Variants in ITPR2 observed in about 807,000 individuals in gnomAD.
The protein encoded by ITPR2 is inositol 1,4,5-trisphosphate receptor type 2, also known as inositol 1,4,5-trisphosphate-gated calcium channel ITPR2.
ITPR2 carries 207 observed loss-of-function variants against 317.1 expected under a neutral mutation model. That is an observed-to-expected ratio of 0.65 (90% CI 0.58 to 0.73). ITPR2 has a LOEUF of 0.73. ITPR2 is among the 30% of genes least tolerant of loss of function. The pLI, the probability that ITPR2 is intolerant of heterozygous loss-of-function variation, is 0.00. For synonymous variants in ITPR2, 1,156 were observed against 1,149.1 expected, an observed-to-expected ratio of 1.01 and a Z score of -0.12; for missense variants, 2,613 against 3,284.0, an observed-to-expected ratio of 0.80 and a Z score of 4.99.
intron 2 of ITPR2, among the ~76,000 whole-genome samples, chr12:26,781,543 A>G (rs138731634): frequency 1.5e-4 from 23 of 152,294 alleles, no homozygotes; most frequent in African/African-American, 5.3e-4. Flanking sequence ...CATGTTAGGC[A>G]TAATTATGAC....
At chr12:26,704,309 TTC>T (rs1255685428) in intron 9 of ITPR2, among the ~76,000 whole-genome samples, 1 of 152,236 alleles carries the variant, frequency 6.6e-6, no homozygotes, top group East Asian at 1.9e-4. Context: ...TTTTCAGCTG[TTC>T]TCCTAGATAA....
chr12:26,730,513 C>A (rs1027591131), intron 2 of ITPR2, among the ~76,000 whole-genome samples: 1 of 152,126 alleles, frequency 6.6e-6, no homozygotes, highest in Non-Finnish European at 1.5e-5. Flanking sequence ...TCTCATAGAG[C>A]GAGCATCAAC....
At chr12:26,772,708 A>C (rs985197147) in intron 2 of ITPR2, among the ~76,000 whole-genome samples, 1 of 150,644 alleles carries the variant, frequency 6.6e-6, no homozygotes, top group Non-Finnish European at 1.5e-5. Flanking sequence ...ATATTCGATA[A>C]ATCTGCTAAA....
intron 41 of ITPR2, among the ~76,000 whole-genome samples, chr12:26,484,249 G>C (rs1052094177): frequency 1.3e-5 from 2 of 151,056 alleles, no homozygotes; most frequent in African/African-American, 4.9e-5. Flanking sequence ...GAGAGGGAAA[G>C]AGTAATGGGA....
chr12:26,425,440 G>A (rs545859642), intron 49 of ITPR2, among the ~76,000 whole-genome samples: 23 of 151,260 alleles, frequency 1.5e-4, no homozygotes, highest in African/African-American at 5.7e-4. Flanking sequence ...AGGCCAAGGC[G>A]GGTGGATCAT....
intron 53 of ITPR2, 30 bp from the exon 54 acceptor site, chr12:26,399,071 C>CT: frequency 1.3e-6 from 2 of 1,507,224 alleles, no homozygotes; most frequent in Non-Finnish European, 1.8e-6. Flanking sequence ...AAAAATCACA[C>CT]TAGGCATAGT....
Position 26,486,199 on chromosome 12 carries a change from C to A in ITPR2, c.5716G>T (p.Ala1906Ser), listed in dbSNP as rs750385034. ...PEAGNTEEKS[A>S]EEVTMSPAIA... ...GCGGGACTCATTGTTACTTCCTCTGCGGATTTTTCCTCAGTGTTTCCCGCT... is the reference window on the plus strand; with the variant it reads ...GCGGGACTCATTGTTACTTCCTCTGAGGATTTTTCCTCAGTGTTTCCCGCT... Residue 1906 changes from alanine (A) to serine (S), a missense_variant, in exon 41 of 57, where the codon GCA (alanine) becomes TCA (serine). Physicochemically the swap from Ala to Ser is moderately conservative, Grantham distance 99. Around this residue, in one of 9 missense-constraint regions of ITPR2, gnomAD observed 926 missense variants for 1,072.8 expected, o/e 0.86. Coordinates refer to ENST00000381340, the MANE Select transcript of ITPR2 (RefSeq NM_002223.4). The A allele has an allele frequency of 3.1e-6, 5 of 1,614,068 alleles. No homozygotes were observed. Among genetic ancestry groups the A allele is most frequent in the African/African-American group, 1.3e-5 (1 of 75,034 alleles).
intron 26 of ITPR2, among the ~76,000 whole-genome samples, chr12:26,609,226 T>A (rs1352134149): frequency 6.6e-6 from 1 of 152,234 alleles, no homozygotes; most frequent in East Asian, 1.9e-4. Flanking sequence ...AATGAATCAA[T>A]CACTATTATT....
At chr12:26,389,200 T>C (rs996589221) in intron 54 of ITPR2, among the ~76,000 whole-genome samples, 1 of 152,134 alleles carries the variant, frequency 6.6e-6, no homozygotes, top group East Asian at 1.9e-4. Flanking sequence ...TTTAAAAACC[T>C]AAGAGAAATG....
chr12:26,490,672 G>T (rs1233358139), intron 39 of ITPR2, among the ~76,000 whole-genome samples: 4 of 152,210 alleles, frequency 2.6e-5, no homozygotes, highest in African/African-American at 7.2e-5. Flanking sequence ...AATTAGTCAG[G>T]CATGGTAGTG....
At chr12:26,672,352 C>A (rs1947797841) in intron 13 of ITPR2, among the ~76,000 whole-genome samples, 1 of 152,212 alleles carries the variant, frequency 6.6e-6, no homozygotes, top group Non-Finnish European at 1.5e-5. Flanking sequence ...CAAACTATCT[C>A]TCAGACTACA....
At chr12:26,348,793 T>C (rs1038503061) in intron 55 of ITPR2, among the ~76,000 whole-genome samples, 4 of 152,140 alleles carry the variant, frequency 2.6e-5, no homozygotes, top group African/African-American at 9.7e-5. Context: ...TTTGAGACCA[T>C]CTTGGTCAAC....
intron 37 of ITPR2, among the ~76,000 whole-genome samples, chr12:26,541,439 A>G (rs1367775153): frequency 6.6e-6 from 1 of 152,250 alleles, no homozygotes; most frequent in African/African-American, 2.4e-5. Context: ...TAGAGCACTT[A>G]TATTACAAAA....
At chr12:26,656,132 T>A (rs1216190415) in intron 19 of ITPR2, among the ~76,000 whole-genome samples, 165 bp downstream of exon 19, 1 of 152,222 alleles carries the variant, frequency 6.6e-6, no homozygotes, top group African/African-American at 2.4e-5. Flanking sequence ...CTGAGAGTTA[T>A]CATTTCACCC....
At chr12:26,653,615 A>G (rs1428660128) in intron 21 of ITPR2, among the ~76,000 whole-genome samples, 1 of 152,118 alleles carries the variant, frequency 6.6e-6, no homozygotes, top group Non-Finnish European at 1.5e-5. Flanking sequence ...TTATAATTTC[A>G]TCTGTATTTG....
rs371931358 is a variant in ITPR2, at chr12:26,567,950, TTATATATA to T, written c.4631-6006_4631-5999del. On this transcript the variant is annotated intron_variant, in intron 34 of 56. Transcript: ENST00000381340. ...AGAAAAATTCTGGTATATATATATA[TTATATATA>T]TATATATATATTATATATATTATAT... Among the ~76,000 whole-genome samples the T allele has an allele frequency of 3.8e-4, 43 of 112,190 alleles. No homozygotes were observed. In the Middle Eastern group the frequency reaches 0.013, roughly 33 times the overall value. The allele number at this position is 112,190 out of a possible 152,430, so 73.6% of individuals were successfully genotyped here.
At chr12:26,661,888 T>C (rs996710281) in intron 15 of ITPR2, among the ~76,000 whole-genome samples, 21 of 152,176 alleles carry the variant, frequency 1.4e-4, no homozygotes, top group African/African-American at 5.1e-4. Flanking sequence ...TCCTGCTACT[T>C]AATTCTTCTT....
intron 48 of ITPR2, among the ~76,000 whole-genome samples, chr12:26,434,737 T>C (rs1251996225): frequency 1.3e-5 from 2 of 152,214 alleles, no homozygotes; most frequent in Non-Finnish European, 2.9e-5. Context: ...ATCTGTCAAA[T>C]GAGTGTTTGA....
chr12:26,641,354 G>A (rs534806798), intron 21 of ITPR2, among the ~76,000 whole-genome samples: 9 of 151,726 alleles, frequency 5.9e-5, no homozygotes, highest in Non-Finnish European at 1.3e-4. Flanking sequence ...CTTGGAAAAA[G>A]TAGAAAAGAG....
Sources: gnomAD v4.1 joint callset for allele counts (sites outside exome capture counted in the v4.1 genomes callset) on GRCh38, gnomAD v4.1.1 for gene constraint, gnomAD v4.1.1 regional missense constraint, MANE v1.5 for transcripts, NCBI Gene and HGNC (gene_info 2026-07-23, HGNC 2026-07-21) for gene names.